NFASC: variants seen among roughly 807,000 people sequenced by gnomAD.
The protein encoded by NFASC is neurofascin homolog.
NFASC carries 43 observed loss-of-function variants against 147.5 expected under a neutral mutation model. The ratio of observed to expected loss-of-function variants is 0.29; its 90% CI spans 0.23 to 0.38. The LOEUF is 0.38. Ranked by LOEUF, NFASC falls within the 10% of genes least tolerant of loss-of-function variation. The pLI, the probability that NFASC is intolerant of heterozygous loss-of-function variation, is 1.00. For missense variants in NFASC, 1,320 were observed against 1,689.0 expected, an observed-to-expected ratio of 0.78 and a Z score of 3.83; for synonymous variants, 622 against 665.5, an observed-to-expected ratio of 0.93 and a Z score of 1.01.
chr1:204,863,357 TTGAC>T (rs2076825289), intron 1 of NFASC, among the ~76,000 whole-genome samples: 1 of 152,238 alleles, frequency 6.6e-6, no homozygotes, highest in Non-Finnish European at 1.5e-5. Flanking sequence ...ATTGATGGAT[TTGAC>T]AGCAAAGCAG....
rs566251979 is a variant in NFASC at position 204,867,979 on chromosome 1, G to C, written c.-200+39197G>C. 5.3e-5 allele frequency among the ~76,000 whole-genome samples: 8 copies of C among 152,340 alleles called. 1 individual carries two copies. Among genetic ancestry groups the C allele is most frequent in the African/African-American group, 1.4e-4 (6 of 41,586 alleles). On this transcript the variant is annotated intron_variant, in intron 1 of 29. Coordinates refer to ENST00000339876, the MANE Select transcript of NFASC (RefSeq NM_001005388.3). ...GCAGTCACATCCTACCTCCTACTCA[G>C]TGCTGAGATTTCTAAGCTCCTCTGA... is the stretch of plus-strand genomic sequence containing the variant.
intron 21 of NFASC, chr1:204,984,454 G>A (rs2095574710): frequency 6.6e-6 from 1 of 151,286 alleles, no homozygotes; most frequent in African/African-American, 2.5e-5. Context: ...ATTCTGCTCA[G>A]CAGAAAATCA....
chr1:204,987,146 G>A lies in NFASC; in HGVS notation c.2471-272G>A. 2.0e-6 allele frequency: 1 copy of A among 510,834 alleles called. No homozygotes were observed. The highest frequency in any genetic ancestry group is 3.5e-6 in the Non-Finnish European group (1 of 285,084). The allele number at this position is 510,834 out of a possible 1,614,324, so 31.6% of individuals were successfully genotyped here. On this transcript the variant is annotated intron_variant, in intron 21 of 29. Transcript: ENST00000339876. This position sits in a 1 kb window ranked among gnomAD's most constrained non-coding sequence, Gnocchi z 4.4. ...GAGCCTAACATGTGCTGAATCCAGA[G>A]TAGTTGCTAGAAGAAAACCTGATTT... is the stretch of plus-strand genomic sequence containing the variant.
intron 1 of NFASC, among the ~76,000 whole-genome samples, chr1:204,837,099 C>G (rs1386543753): frequency 6.6e-6 from 1 of 152,214 alleles, no homozygotes. Context: ...AAAGCTAGTT[C>G]TGGCAAAACC....
intron 19 of NFASC, 120 bp from the exon 20 acceptor site, chr1:204,980,250 A>T (rs547225012): frequency 1.3e-6 from 1 of 765,764 alleles, no homozygotes; most frequent in Non-Finnish European, 2.3e-6. Context: ...AAGCGTATAC[A>T]TAGATGCCGA....
At chr1:204,939,034 ATGGATGTGTGTGTGTGTG>A (rs1405067433) in intron 2 of NFASC, among the ~76,000 whole-genome samples, 3 of 61,352 alleles carry the variant, frequency 4.9e-5, no homozygotes, top group Non-Finnish European at 1.1e-4. Flanking sequence ...TCCTGTATGG[ATGGATGTGTGTGTGTGTG>A]TGTGTGTGTG....
At position 204,968,814 on chromosome 1, in the gene NFASC, G is replaced by T. The variant is rs762534137; in HGVS notation, c.835G>T (p.Ala279Ser). ...IASGVPTPDI[A>S]WYKKGGDLPS... is the part of the protein sequence containing the mutation. ...CTCTCCTAGCCCAACACCAGACATC[G>T]CATGGTACAAGAAAGGTGGGGACCT... The change falls in exon 10 of 30, where the codon GCA becomes TCA. Residue 279 changes from alanine (A) to serine (S), a missense_variant. Ala to Ser is a moderately conservative substitution (Grantham distance 99, BLOSUM62 1). This residue lies in a region of NFASC where 981 missense variants were observed against 1,289.5 expected (regional missense o/e 0.76). Transcript: ENST00000339876. The surrounding 1 kb of genome is among the most constrained non-coding windows in gnomAD (Gnocchi z 5.4). The T allele has an allele frequency of 6.2e-7, 1 of 1,613,230 alleles. No homozygotes were observed. The highest frequency in any genetic ancestry group is 8.5e-7 in the Non-Finnish European group (1 of 1,179,772).
In NFASC at chr1:204,968,629, T is replaced by C. The variant is rs925582616; in HGVS notation, c.819-169T>C. ...TGGGACCTTAGCTAAGCCTTCAGGC[T>C]CTCTGTGGCTGAGCATCCTCCTCTG... On this transcript the variant is annotated intron_variant, in intron 9 of 29. Coordinates refer to ENST00000339876, the MANE Select transcript of NFASC (RefSeq NM_001005388.3). This position sits in a 1 kb window ranked among gnomAD's most constrained non-coding sequence, Gnocchi z 5.4. 3.1e-6 allele frequency: 2 copies of C among 652,360 alleles called. No individual in the cohort carries two copies. The highest frequency in any genetic ancestry group is 3.7e-5 in the African/African-American group (2 of 54,762). 40.4% of individuals were successfully genotyped at this position (652,360 alleles called of 1,614,324 possible). A position where few individuals can be genotyped will look rare whatever the true frequency, so the allele number is the denominator to read the frequency against.
At chr1:204,918,491 C>T (rs2089771094) in intron 1 of NFASC, among the ~76,000 whole-genome samples, 1 of 151,622 alleles carries the variant, frequency 6.6e-6, no homozygotes, top group African/African-American at 2.4e-5. Flanking sequence ...AGTCAAATTA[C>T]AATTGTTTTA....
At chr1:204,980,778 G>T (rs944599547) in intron 20 of NFASC, among the ~76,000 whole-genome samples, 2 of 152,276 alleles carry the variant, frequency 1.3e-5, no homozygotes, top group Non-Finnish European at 2.9e-5. Context: ...CTTTAGAAAA[G>T]ATCTAAGCAC....
intron 28 of NFASC, among the ~76,000 whole-genome samples, chr1:205,012,386 C>T (rs1220773993): frequency 6.6e-6 from 1 of 152,236 alleles, no homozygotes; most frequent in Non-Finnish European, 1.5e-5. Context: ...AAGAACTAGC[C>T]TTCTGTGATA....
chr1:204,984,023 G>A, intron 21 of NFASC: 1 of 1,607,228 alleles, frequency 6.2e-7, no homozygotes, highest in Non-Finnish European at 8.5e-7. Context: ...CCAACACATT[G>A]CAGATCCCAG....
chr1:204,859,152 A>G (rs1384840032), intron 1 of NFASC, among the ~76,000 whole-genome samples: 2 of 151,906 alleles, frequency 1.3e-5, no homozygotes, highest in Non-Finnish European at 2.9e-5. Context: ...TAATTTTTAT[A>G]ATCTTAGTAG....
At chr1:204,913,336 G>T (rs1286827938) in intron 1 of NFASC, among the ~76,000 whole-genome samples, 1 of 152,078 alleles carries the variant, frequency 6.6e-6, no homozygotes, top group African/African-American at 2.4e-5. Context: ...GAAAGAAAAA[G>T]TCTGATTCTA....
At chr1:204,859,059 C>A (rs1018851216) in intron 1 of NFASC, among the ~76,000 whole-genome samples, 2 of 151,684 alleles carry the variant, frequency 1.3e-5, no homozygotes, top group Non-Finnish European at 2.9e-5. Flanking sequence ...CTCACTGCAG[C>A]CTCTGCCTCC....
intron 20 of NFASC, 133 bp from the exon 21 acceptor site, chr1:204,981,665 C>A: frequency 1.8e-6 from 1 of 542,208 alleles, no homozygotes; most frequent in Non-Finnish European, 3.2e-6. Context: ...ATGGTCTTCC[C>A]TACCCTGCAA....
In NFASC at chr1:204,982,913, A is replaced by T. The variant is rs562662622; in HGVS notation, c.2470+893A>T. 2.0e-3 allele frequency among the ~76,000 whole-genome samples: 309 copies of T among 152,270 alleles called. 2 individuals are homozygous for T. In the Middle Eastern group the frequency reaches 0.048, roughly 23 times the overall value. ...GGCCAGTGGCATTCCTAACAGTGAG[A>T]TGGAGGAAGGGAGGGCTGGGCCCTG... On this transcript the variant is annotated intron_variant, in intron 21 of 29. Coordinates refer to ENST00000339876, the MANE Select transcript of NFASC (RefSeq NM_001005388.3).
chr1:204,976,972 A>T (rs2095419589), intron 16 of NFASC, 177 bp downstream of exon 16: 1 of 1,397,290 alleles, frequency 7.2e-7, no homozygotes, highest in African/African-American at 1.5e-5. Flanking sequence ...TTTCAGAACA[A>T]GCTGTGCTGG....
At position 204,975,597 on chromosome 1, in the gene NFASC, C is replaced by T. The variant is rs1327380918; in HGVS notation, c.1706+179C>T. Among the ~76,000 whole-genome samples, 1 of 152,152 alleles carries T rather than the reference C, an allele frequency of 6.6e-6. No homozygotes were observed. The highest frequency in any genetic ancestry group is 2.1e-4 in the South Asian group (1 of 4,822). ...CTCCCCTGCTTCAGGGGAGACCCCC[C>T]CACCGACCCTGTACAACCTCCCTCT... On this transcript the variant is annotated intron_variant, in intron 15 of 29. Transcript: ENST00000339876. This position sits in a 1 kb window ranked among gnomAD's most constrained non-coding sequence, Gnocchi z 4.0.
Sources: gnomAD v4.1 joint callset for allele counts (sites outside exome capture counted in the v4.1 genomes callset) on GRCh38, gnomAD v4.1.1 for gene constraint, gnomAD v4.1.1 regional missense constraint, Gnocchi (gnomAD v3.1) non-coding constraint, MANE v1.5 for transcripts, NCBI Gene and HGNC (gene_info 2026-07-23, HGNC 2026-07-21) for gene names.